Variants in AFG2A observed in about 807,000 individuals in gnomAD.
AFG2A encodes the protein ATPase family gene 2 protein homolog A.
chr4:123,061,390 T>A, the AFG2A span, among the ~76,000 whole-genome samples: 1 of 152,176 alleles, frequency 6.6e-6, no homozygotes, highest in Non-Finnish European at 1.5e-5. Flanking sequence ...AAAAAGAGGT[T>A]TAATGAACTC....
At chr4:123,292,537 T>TA in the AFG2A span, among the ~76,000 whole-genome samples, 535 of 152,202 alleles carry the variant, frequency 3.5e-3, 1 homozygote, top group African/African-American at 0.012. Context: ...TCTACTGGGT[T>TA]AAAAAAAATT....
At chr4:123,173,011 T>G in the AFG2A span, among the ~76,000 whole-genome samples, 2 of 152,102 alleles carry the variant, frequency 1.3e-5, no homozygotes, top group African/African-American at 4.8e-5. Flanking sequence ...TGTAGAAAAC[T>G]TAAATAGGTT....
the AFG2A span, among the ~76,000 whole-genome samples, chr4:123,112,087 C>G: frequency 2.0e-5 from 3 of 152,088 alleles, no homozygotes; most frequent in Non-Finnish European, 4.4e-5. Context: ...AAATTATTAT[C>G]TATTGAGTGA....
At chr4:122,950,129 G>C in the AFG2A span, among the ~76,000 whole-genome samples, 1 of 152,194 alleles carries the variant, frequency 6.6e-6, no homozygotes, top group Admixed American at 6.5e-5. Context: ...ATGAGAATGT[G>C]CATATTTATT....
chr4:123,313,929 AG>A, the AFG2A span: 1 of 1,611,094 alleles, frequency 6.2e-7, no homozygotes, highest in Non-Finnish European at 8.5e-7. Context: ...TGGCTCTGGA[AG>A]AAGACATTCA....
chr4:123,131,227 T>A, the AFG2A span, among the ~76,000 whole-genome samples: 1 of 152,286 alleles, frequency 6.6e-6, no homozygotes, highest in East Asian at 1.9e-4. Flanking sequence ...AGCAAAAAAT[T>A]TTAGTTTTGA....
chr4:123,158,221 C>A, the AFG2A span, among the ~76,000 whole-genome samples: 1 of 152,152 alleles, frequency 6.6e-6, no homozygotes, highest in Non-Finnish European at 1.5e-5. Flanking sequence ...ATGACTTGTT[C>A]CAAATTACTT....
At chr4:123,003,233 C>T in the AFG2A span, among the ~76,000 whole-genome samples, 1 of 152,164 alleles carries the variant, frequency 6.6e-6, no homozygotes, top group African/African-American at 2.4e-5. Flanking sequence ...TTTTCAACTT[C>T]TTTGCCTTTG....
At chr4:123,130,139 C>T in the AFG2A span, among the ~76,000 whole-genome samples, 6 of 151,816 alleles carry the variant, frequency 4.0e-5, no homozygotes, top group African/African-American at 1.4e-4. Flanking sequence ...TCCCAAGTAG[C>T]AGGGACTATA....
chr4:123,056,491 G>C, the AFG2A span: 35 of 1,490,228 alleles, frequency 2.3e-5, no homozygotes, highest in South Asian at 4.3e-4. Flanking sequence ...TCACACTTCT[G>C]TCCTGTGCAG....
At chr4:123,041,371 T>A in the AFG2A span, among the ~76,000 whole-genome samples, 1 of 147,884 alleles carries the variant, frequency 6.8e-6, no homozygotes, top group Non-Finnish European at 1.5e-5. Context: ...TCCACCCACC[T>A]CGGCCTCCCA....
the AFG2A span, among the ~76,000 whole-genome samples, chr4:123,057,669 C>T: frequency 0.063 from 9,549 of 151,960 alleles, 524 homozygotes; most frequent in African/African-American, 0.14. Context: ...TTATAAAATA[C>T]GTTACACAGA....
chr4:123,115,524 A>G, the AFG2A span, among the ~76,000 whole-genome samples: 1 of 151,976 alleles, frequency 6.6e-6, no homozygotes, highest in Non-Finnish European at 1.5e-5. Context: ...TCTGTGCGCA[A>G]CTGCAGCACC....
At chr4:122,923,402 A>T in the AFG2A span, 1 of 1,518,998 alleles carries the variant, frequency 6.6e-7, no homozygotes, top group Non-Finnish European at 8.9e-7. Context: ...GACTTTTGAA[A>T]GTTGGGCGTG....
At chr4:123,241,246 A>C in the AFG2A span, among the ~76,000 whole-genome samples, 7 of 152,344 alleles carry the variant, frequency 4.6e-5, no homozygotes, top group Admixed American at 1.3e-4. Context: ...TATTCCAATC[A>C]ATAGAACAAG....
At chr4:123,085,031 G>C in the AFG2A span, among the ~76,000 whole-genome samples, 1 of 149,160 alleles carries the variant, frequency 6.7e-6, no homozygotes, top group Non-Finnish European at 1.5e-5. Context: ...TTTTTTTTTA[G>C]CTGTTTGCTG....
the AFG2A span, among the ~76,000 whole-genome samples, chr4:123,171,994 G>C: frequency 6.6e-6 from 1 of 151,954 alleles, no homozygotes; most frequent in Non-Finnish European, 1.5e-5. Flanking sequence ...AAACATAGTT[G>C]TTCACCATGC....
At chr4:123,314,139 G>GT in the AFG2A span, 1 of 1,342,854 alleles carries the variant, frequency 7.4e-7, no homozygotes, top group South Asian at 2.0e-5. Flanking sequence ...TTTTGAGAGT[G>GT]TTAAAAAAAA....
At chr4:123,052,140 T>A in the AFG2A span, among the ~76,000 whole-genome samples, 3 of 152,190 alleles carry the variant, frequency 2.0e-5, no homozygotes, top group African/African-American at 7.2e-5. Flanking sequence ...TTTCATTCCT[T>A]TTGCTTTTTT....
Sources: gnomAD v4.1 joint callset for allele counts (sites outside exome capture counted in the v4.1 genomes callset) on GRCh38, gnomAD v4.1.1 for gene constraint, MANE v1.5 for transcripts, NCBI Gene and HGNC (gene_info 2026-07-23, HGNC 2026-07-21) for gene names.